CAMSAP2: variants seen among roughly 807,000 people sequenced by gnomAD.
The protein encoded by CAMSAP2 is calmodulin-regulated spectrin-associated protein 2.
In CAMSAP2, 26 loss-of-function variants were observed where a neutral mutation model predicts 146.1. The ratio of observed to expected loss-of-function variants is 0.18; its 90% confidence interval spans 0.13 to 0.25. The LOEUF is 0.25. Ranked by LOEUF, CAMSAP2 falls within the 10% of genes least tolerant of loss-of-function variation. The probability of loss-of-function intolerance (pLI) is 1.00; values close to 1 mark genes in which losing one functional copy is unlikely to be tolerated. For synonymous variants in CAMSAP2, 499 were observed against 596.6 expected (o/e 0.84, Z 2.38); for missense variants, 1,381 against 1,759.3 (o/e 0.78, Z 3.85).
At chr1:200,855,498 A>T (rs1667726072) in intron 14 of CAMSAP2, among the ~76,000 whole-genome samples, 1 of 152,196 alleles carries the variant, frequency 6.6e-6, no homozygotes, top group African/African-American at 2.4e-5. Flanking sequence ...ATTGAAAAAC[A>T]TTCACTCTTT....
At chr1:200,817,445 A>G (rs752111411) in intron 4 of CAMSAP2, among the ~76,000 whole-genome samples, 40 of 152,128 alleles carry the variant, frequency 2.6e-4, no homozygotes, top group African/African-American at 8.9e-4. Flanking sequence ...CATATTTTCT[A>G]TGATATAGTA....
At chr1:200,829,884 G>A (rs1666998183) in intron 4 of CAMSAP2, among the ~76,000 whole-genome samples, 1 of 151,976 alleles carries the variant, frequency 6.6e-6, no homozygotes, top group Non-Finnish European at 1.5e-5. Context: ...CCATGATTGT[G>A]CCACTGCACT....
At chr1:200,787,182 T>G (rs1665618243) in intron 2 of CAMSAP2, among the ~76,000 whole-genome samples, 1 of 152,228 alleles carries the variant, frequency 6.6e-6, no homozygotes, top group Non-Finnish European at 1.5e-5. Flanking sequence ...GAATTTCAAG[T>G]CTTTTTATTT....
intron 3 of CAMSAP2, among the ~76,000 whole-genome samples, chr1:200,811,178 G>C (rs1054335923): frequency 1.3e-5 from 2 of 152,034 alleles, no homozygotes; most frequent in Non-Finnish European, 2.9e-5. Flanking sequence ...AAAACCCAAG[G>C]TGTTTACCAA....
chr1:200,816,379 G>T (rs555539415), intron 4 of CAMSAP2, among the ~76,000 whole-genome samples: 1 of 151,318 alleles, frequency 6.6e-6, no homozygotes, highest in African/African-American at 2.4e-5. Flanking sequence ...GATCACCTGA[G>T]GTCAGGAGTT....
At chr1:200,821,186 T>A (rs1221096709) in intron 4 of CAMSAP2, among the ~76,000 whole-genome samples, 2 of 151,718 alleles carry the variant, frequency 1.3e-5, no homozygotes, top group African/African-American at 2.4e-5. Context: ...TTCTTCTTTT[T>A]TTTTTTTCCT....
At chr1:200,749,884 A>C (rs1050495868) in intron 1 of CAMSAP2, among the ~76,000 whole-genome samples, 5 of 152,160 alleles carry the variant, frequency 3.3e-5, no homozygotes, top group African/African-American at 1.2e-4. Flanking sequence ...AATAGGGAGA[A>C]CATTCCAGAG....
intron 2 of CAMSAP2, among the ~76,000 whole-genome samples, chr1:200,803,317 A>G (rs1219993952): frequency 2.6e-5 from 4 of 152,218 alleles, no homozygotes; most frequent in Non-Finnish European, 1.5e-5. Context: ...GGGTTGTTTC[A>G]TTAAATTAAT....
Position 200,832,101 on chromosome 1 carries a change from T to G in CAMSAP2, c.646-99T>G. The G allele has an allele frequency of 3.2e-6, 3 of 939,054 alleles. No homozygotes were observed. The highest frequency in any genetic ancestry group is 4.7e-6 in the Non-Finnish European group (3 of 644,530). 58.2% of individuals were successfully genotyped at this position (939,054 alleles called of 1,614,324 possible). ...TGGTGAGTGGTCTCATTTCTCATGA[T>G]TTATTTTATTACTGGTACATTAGAA... On this transcript the variant is annotated intron_variant, in intron 4 of 16. Coordinates refer to ENST00000358823, the MANE Select transcript of CAMSAP2 (RefSeq NM_203459.4). The surrounding 1 kb of genome is among the most constrained non-coding windows in gnomAD (Gnocchi z 4.2).
chr1:200,740,020 C>G, intron 1 of CAMSAP2, 54 bp downstream of exon 1: 1 of 1,589,210 alleles, frequency 6.3e-7, no homozygotes, highest in Non-Finnish European at 8.6e-7. Context: ...GTCCACATCT[C>G]GGTTTTTGTT....
At chr1:200,817,501 A>G (rs777676473) in intron 4 of CAMSAP2, among the ~76,000 whole-genome samples, 7 of 152,146 alleles carry the variant, frequency 4.6e-5, no homozygotes, top group Non-Finnish European at 5.9e-5. Flanking sequence ...CCCTTTAAAC[A>G]TGTTGTATAG....
intron 4 of CAMSAP2, among the ~76,000 whole-genome samples, chr1:200,831,758 T>C (rs1368144367): frequency 6.6e-6 from 1 of 152,128 alleles, no homozygotes; most frequent in Non-Finnish European, 1.5e-5. Flanking sequence ...TATATTCTTT[T>C]ACCTTCCCCC....
Position 200,844,770 on chromosome 1 carries a change from CT to C in CAMSAP2, c.1022-8del, listed in dbSNP as rs759243183. ...CTAATTTGAGGGTGTTTTTAAAAAT[CT>C]TTTATTCCAGCTGAACCTGTAAAAG... On this transcript the variant is annotated splice_polypyrimidine_tract_variant and intron_variant, in intron 7 of 16. Transcript: ENST00000358823. The C allele has an allele frequency of 2.0e-6, 3 of 1,522,064 alleles. No individual in the cohort carries two copies. The highest frequency in any genetic ancestry group is 4.8e-5 in the East Asian group (2 of 41,946). The allele number at this position is 1,522,064 out of a possible 1,614,324, so 94.3% of individuals were successfully genotyped here.
In CAMSAP2 at chr1:200,835,500, A is replaced by G. The variant is rs183938041; in HGVS notation, c.927+2655A>G. Among the ~76,000 whole-genome samples the G allele has an allele frequency of 1.6e-4, 24 of 152,302 alleles. No individual in the cohort carries two copies. In the East Asian group the frequency reaches 2.3e-3, roughly 15 times the overall value. Reference sequence around the variant, plus strand: ...TGCCAGACACTATTCTTAGCTTTGGAGGTAAAGCAGAGAACGAAATGGCAG... The same window carrying G: ...TGCCAGACACTATTCTTAGCTTTGGGGGTAAAGCAGAGAACGAAATGGCAG... On this transcript the variant is annotated intron_variant, in intron 6 of 16. Transcript: ENST00000358823.
chr1:200,763,382 T>C (rs1298416009), intron 2 of CAMSAP2, among the ~76,000 whole-genome samples: 2 of 151,898 alleles, frequency 1.3e-5, no homozygotes, highest in African/African-American at 4.8e-5. Context: ...CTACTGAAAA[T>C]ACAAAAATTA....
chr1:200,759,880 A>C (rs1254506926), intron 1 of CAMSAP2, among the ~76,000 whole-genome samples: 3 of 152,218 alleles, frequency 2.0e-5, no homozygotes, highest in Non-Finnish European at 4.4e-5. Context: ...GGAGGAAGAG[A>C]TACAGGGTAG....
intron 1 of CAMSAP2, among the ~76,000 whole-genome samples, chr1:200,752,110 C>T (rs754144191): frequency 1.3e-5 from 2 of 151,974 alleles, no homozygotes; most frequent in Non-Finnish European, 2.9e-5. Context: ...TTAATTTTAT[C>T]TTTCACTTTA....
intron 14 of CAMSAP2, among the ~76,000 whole-genome samples, chr1:200,855,638 C>T (rs1418531793): frequency 6.6e-6 from 1 of 151,872 alleles, no homozygotes; most frequent in African/African-American, 2.4e-5. Context: ...TCTCCATTGC[C>T]CAGGCTAGAG....
chr1:200,810,539 G>A (rs1200748789), intron 3 of CAMSAP2, among the ~76,000 whole-genome samples: 6 of 149,460 alleles, frequency 4.0e-5, no homozygotes, highest in Non-Finnish European at 7.4e-5. Context: ...TGGCGCCACG[G>A]CACTCCAGCC....
Sources: allele counts gnomAD v4.1 joint callset (sites outside exome capture counted in the v4.1 genomes callset), GRCh38; gene constraint gnomAD v4.1.1; non-coding constraint Gnocchi (gnomAD v3.1); transcripts MANE v1.5; gene names NCBI Gene and HGNC (gene_info 2026-07-23, HGNC 2026-07-21).